SERPINI1: variants seen among roughly 807,000 people sequenced by gnomAD.
SERPINI1 encodes the protein neuroserpin.
In SERPINI1, 19 loss-of-function variants were observed where a neutral mutation model predicts 41.1. That is an observed-to-expected ratio of 0.46 (90% CI 0.32 to 0.68). The LOEUF (loss-of-function observed/expected upper bound fraction) is 0.68. Ranked by LOEUF, SERPINI1 falls within the 30% of genes least tolerant of loss-of-function variation. The pLI, the probability that SERPINI1 is intolerant of heterozygous loss-of-function variation, is 0.03. For missense variants in SERPINI1, 460 were observed against 479.2 expected (o/e 0.96, Z 0.37); for synonymous variants, 138 against 156.6 (o/e 0.88, Z 0.89).
chr3:167,750,332 G>C (rs983260953), intron 1 of SERPINI1, among the ~76,000 whole-genome samples: 2 of 152,190 alleles, frequency 1.3e-5, no homozygotes, highest in Admixed American at 1.3e-4. Context: ...TTCCCAGGTT[G>C]AATTTAGCAA....
At chr3:167,818,381 T>A (rs1712193817) in intron 6 of SERPINI1, among the ~76,000 whole-genome samples, 1 of 152,204 alleles carries the variant, frequency 6.6e-6, no homozygotes, top group Admixed American at 6.5e-5. Flanking sequence ...TGTATATCTA[T>A]CAAAACTTAT....
chr3:167,789,827 T>C (rs1727439097), intron 2 of SERPINI1, among the ~76,000 whole-genome samples: 1 of 152,202 alleles, frequency 6.6e-6, no homozygotes, highest in Non-Finnish European at 1.5e-5. Context: ...AAGTGTTATC[T>C]TATTATAAAA....
chr3:167,801,190 T>A (rs1372977181), intron 5 of SERPINI1, among the ~76,000 whole-genome samples: 1 of 152,226 alleles, frequency 6.6e-6, no homozygotes, highest in Non-Finnish European at 1.5e-5. Flanking sequence ...TTTTTAATCC[T>A]TATATGTGTT....
At chr3:167,740,254 C>A (rs1216193311) in intron 1 of SERPINI1, among the ~76,000 whole-genome samples, 1 of 152,110 alleles carries the variant, frequency 6.6e-6, no homozygotes, top group Non-Finnish European at 1.5e-5. Context: ...TTGGTCCAAA[C>A]TCCTGACCTC....
intron 1 of SERPINI1, among the ~76,000 whole-genome samples, chr3:167,752,768 A>C (rs1294991650): frequency 1.3e-5 from 2 of 151,914 alleles, no homozygotes; most frequent in African/African-American, 4.8e-5. Flanking sequence ...TCATTGTATT[A>C]TTTCAGTTCT....
At chr3:167,759,735 T>C (rs188648643) in intron 1 of SERPINI1, among the ~76,000 whole-genome samples, 9 of 152,158 alleles carry the variant, frequency 5.9e-5, no homozygotes, top group Admixed American at 3.9e-4. Flanking sequence ...ACACAATATG[T>C]CCATGTAACC....
intron 5 of SERPINI1, among the ~76,000 whole-genome samples, chr3:167,801,363 A>G (rs1450148084): frequency 6.6e-6 from 1 of 152,218 alleles, no homozygotes; most frequent in East Asian, 1.9e-4. Flanking sequence ...CTTTGGCTTT[A>G]TAAAAGCAGT....
chr3:167,805,356 G>A (rs552801503), intron 5 of SERPINI1, among the ~76,000 whole-genome samples: 9 of 152,138 alleles, frequency 5.9e-5, no homozygotes, highest in Non-Finnish European at 1.0e-4. Context: ...TTTGAGAAAT[G>A]TCTGTTCATA....
chr3:167,799,849 G>C (rs1727845859), intron 5 of SERPINI1, among the ~76,000 whole-genome samples: 1 of 152,076 alleles, frequency 6.6e-6, no homozygotes, highest in Non-Finnish European at 1.5e-5. Flanking sequence ...GTCTTCTTTT[G>C]AGAAGTGTCT....
intron 1 of SERPINI1, among the ~76,000 whole-genome samples, chr3:167,762,471 G>T (rs569391667): frequency 3.9e-5 from 6 of 151,952 alleles, no homozygotes; most frequent in Non-Finnish European, 7.4e-5. Flanking sequence ...CTAAATTTTT[G>T]TTCCCCATTC....
chr3:167,807,865 C>T (rs1711704703), intron 6 of SERPINI1, among the ~76,000 whole-genome samples: 1 of 151,960 alleles, frequency 6.6e-6, no homozygotes, highest in Non-Finnish European at 1.5e-5. Flanking sequence ...GCCTGTAATC[C>T]TAGTACTTTG....
At chr3:167,767,948 T>C (rs1410211017) in intron 1 of SERPINI1, among the ~76,000 whole-genome samples, 1 of 152,192 alleles carries the variant, frequency 6.6e-6, no homozygotes, top group African/African-American at 2.4e-5. Flanking sequence ...CTGTGAACAT[T>C]GTTGAAATTA....
chr3:167,763,176 C>T (rs188290830), intron 1 of SERPINI1, among the ~76,000 whole-genome samples: 352 of 152,128 alleles, frequency 2.3e-3, no homozygotes, highest in Middle Eastern at 0.014. Context: ...GGTTTCTGTT[C>T]CTCATGGAGC....
intron 1 of SERPINI1, among the ~76,000 whole-genome samples, chr3:167,773,091 T>C (rs1045829180): frequency 4.0e-5 from 6 of 151,410 alleles, no homozygotes; most frequent in African/African-American, 1.5e-4. Flanking sequence ...CCAACATATT[T>C]GCCTGCATTT....
chr3:167,822,267 A>G (rs1039756872), intron 6 of SERPINI1, among the ~76,000 whole-genome samples: 27 of 152,172 alleles, frequency 1.8e-4, no homozygotes, highest in African/African-American at 6.0e-4. Context: ...GTCTCCAAAT[A>G]TAGTCAATCT....
chr3:167,760,348 A>AAT (rs35053492), intron 1 of SERPINI1, among the ~76,000 whole-genome samples: 6,870 of 147,308 alleles, frequency 0.047, 380 homozygotes, highest in East Asian at 0.17. Flanking sequence ...ACTAATTTCA[A>AAT]ATATATATAT....
At chr3:167,751,704 T>C (rs1273642896) in intron 1 of SERPINI1, among the ~76,000 whole-genome samples, 1 of 152,122 alleles carries the variant, frequency 6.6e-6, no homozygotes, top group African/African-American at 2.4e-5. Flanking sequence ...ATGAAACTAA[T>C]TGGTACATCA....
intron 1 of SERPINI1, among the ~76,000 whole-genome samples, chr3:167,763,357 T>C (rs868746666): frequency 6.8e-6 from 1 of 147,638 alleles, no homozygotes; most frequent in Non-Finnish European, 1.5e-5. Context: ...AACCACAGTT[T>C]TGTGTGTGTG....
intron 1 of SERPINI1, among the ~76,000 whole-genome samples, chr3:167,786,301 G>A (rs527460848): frequency 8.6e-5 from 13 of 152,026 alleles, no homozygotes; most frequent in South Asian, 2.1e-4. Context: ...TCAGGAGTTC[G>A]AGACCAGTCT....
Sources: allele counts gnomAD v4.1 joint callset (sites outside exome capture counted in the v4.1 genomes callset), GRCh38; gene constraint gnomAD v4.1.1; transcripts MANE v1.5; gene names NCBI Gene and HGNC (gene_info 2026-07-23, HGNC 2026-07-21).